The following CADM2 variants were observed in gnomAD, a reference collection of about 807,000 sequenced individuals.
CADM2 encodes cell adhesion molecule 2.
CADM2 carries 12 observed loss-of-function variants against 49.8 expected under a neutral mutation model. That is an observed-to-expected ratio of 0.24 (90% CI 0.15 to 0.39). CADM2 has a LOEUF of 0.39. Among genes scored for constraint, CADM2 ranks in the 10% least tolerant of loss-of-function variants. CADM2 has a pLI of 1.00. For missense variants in CADM2, 378 were observed against 492.3 expected, an observed-to-expected ratio of 0.77 and a Z score of 2.20; for synonymous variants, 214 against 175.4, an observed-to-expected ratio of 1.22 and a Z score of -1.74.
intron 1 of CADM2, among the ~76,000 whole-genome samples, chr3:85,159,168 A>G (rs893866128): frequency 1.1e-4 from 16 of 152,170 alleles, no homozygotes; most frequent in Admixed American, 6.5e-4. Context: ...ATTTTACATG[A>G]TTGCATCATA....
At chr3:85,368,738 T>C (rs2032983245) in intron 1 of CADM2, among the ~76,000 whole-genome samples, 1 of 152,102 alleles carries the variant, frequency 6.6e-6, no homozygotes, top group Non-Finnish European at 1.5e-5. Context: ...AAATAATACG[T>C]TTCTAACTAT....
intron 1 of CADM2, among the ~76,000 whole-genome samples, chr3:85,290,947 T>C (rs1055279587): frequency 6.6e-6 from 1 of 152,166 alleles, no homozygotes; most frequent in Non-Finnish European, 1.5e-5. Context: ...AGAATGACTT[T>C]GATGAGCTGA....
At chr3:85,625,748 G>C (rs772365234) in intron 1 of CADM2, among the ~76,000 whole-genome samples, 1 of 151,952 alleles carries the variant, frequency 6.6e-6, no homozygotes. Context: ...CTAGGGTATA[G>C]AGGCTGTATA....
chr3:85,973,597 G>GT (rs1726421791), intron 8 of CADM2, among the ~76,000 whole-genome samples: 7 of 151,828 alleles, frequency 4.6e-5, no homozygotes, highest in Admixed American at 4.6e-4. Flanking sequence ...GTTATAATCA[G>GT]TGTACTGCAT....
intron 8 of CADM2, among the ~76,000 whole-genome samples, chr3:85,999,056 G>T (rs1577905542): frequency 6.6e-6 from 1 of 152,274 alleles, no homozygotes; most frequent in South Asian, 2.1e-4. Flanking sequence ...ATTTAAACAT[G>T]CAGAGTTTTA....
intron 1 of CADM2, among the ~76,000 whole-genome samples, chr3:85,377,726 T>G (rs1250087362): frequency 6.6e-6 from 1 of 152,066 alleles, no homozygotes; most frequent in Non-Finnish European, 1.5e-5. Flanking sequence ...AAACACATTT[T>G]TAAAAGTTAA....
chr3:85,509,150 A>T (rs1366614351), intron 1 of CADM2, among the ~76,000 whole-genome samples: 1 of 152,182 alleles, frequency 6.6e-6, no homozygotes, highest in East Asian at 1.9e-4. Flanking sequence ...ACTATTTGAC[A>T]TTTAAAACAT....
chr3:84,998,751 T>A (rs1325187854), intron 1 of CADM2, among the ~76,000 whole-genome samples: 2 of 152,132 alleles, frequency 1.3e-5, no homozygotes, highest in African/African-American at 4.8e-5. Flanking sequence ...TGTTTTCTTC[T>A]GTGATCAGGG....
chr3:85,111,382 A>G (rs868332280), intron 1 of CADM2, among the ~76,000 whole-genome samples: 6 of 151,814 alleles, frequency 4.0e-5, no homozygotes, highest in African/African-American at 1.4e-4. Flanking sequence ...TGTATACCCC[A>G]GGTTTTGTAA....
At chr3:85,460,297 C>T (rs1215044175) in intron 1 of CADM2, among the ~76,000 whole-genome samples, 1 of 151,778 alleles carries the variant, frequency 6.6e-6, no homozygotes, top group Non-Finnish European at 1.5e-5. Flanking sequence ...AATGTGTTAT[C>T]TATTTAATTC....
At chr3:85,478,866 G>A (rs185051889) in intron 1 of CADM2, among the ~76,000 whole-genome samples, 1 of 152,018 alleles carries the variant, frequency 6.6e-6, no homozygotes, top group Admixed American at 6.6e-5. Flanking sequence ...GTGGCATGCT[G>A]TATGCTATGT....
chr3:85,520,217 T>C (rs557095825), intron 1 of CADM2, among the ~76,000 whole-genome samples: 2 of 152,046 alleles, frequency 1.3e-5, no homozygotes, highest in Admixed American at 1.3e-4. Context: ...CATATGTAAT[T>C]CACAAGGATT....
chr3:85,348,803 C>G (rs2031040423), intron 1 of CADM2, among the ~76,000 whole-genome samples: 1 of 151,898 alleles, frequency 6.6e-6, no homozygotes, highest in African/African-American at 2.4e-5. Context: ...AAGCTCTTAA[C>G]CCTACTTAAG....
intron 1 of CADM2, among the ~76,000 whole-genome samples, chr3:85,274,664 TA>T (rs2043316491): frequency 6.6e-6 from 1 of 151,516 alleles, no homozygotes; most frequent in East Asian, 1.9e-4. Flanking sequence ...CCCTCTTGCA[TA>T]TAATTATCAC....
At chr3:85,718,667 A>G (rs9846229) in intron 1 of CADM2, among the ~76,000 whole-genome samples, 63,537 of 151,704 alleles carry the variant, frequency 0.42, 13,374 homozygotes, top group South Asian at 0.49. Flanking sequence ...TAGAACCATG[A>G]AAACGGTAGA....
At chr3:85,781,235 T>C (rs1164828926) in intron 2 of CADM2, among the ~76,000 whole-genome samples, 3 of 152,212 alleles carry the variant, frequency 2.0e-5, no homozygotes, top group African/African-American at 7.2e-5. Context: ...TGGTTTCCTT[T>C]CCATTCTGTC....
intron 1 of CADM2, among the ~76,000 whole-genome samples, chr3:85,682,442 A>T (rs1357270672): frequency 6.6e-6 from 1 of 152,130 alleles, no homozygotes; most frequent in Non-Finnish European, 1.5e-5. Context: ...TATTCAGATT[A>T]TCTGTTGAGC....
At chr3:86,040,321 C>T (rs900079965) in intron 8 of CADM2, among the ~76,000 whole-genome samples, 7 of 151,932 alleles carry the variant, frequency 4.6e-5, no homozygotes, top group Non-Finnish European at 8.8e-5. Context: ...TGGCAAAGAA[C>T]TTAAAAACCT....
chr3:84,970,476 A>ATAC (rs5850656), intron 1 of CADM2, among the ~76,000 whole-genome samples: 1 of 151,730 alleles, frequency 6.6e-6, no homozygotes, highest in Non-Finnish European at 1.5e-5. Context: ...CTTAAAAGTC[A>ATAC]AGTTTTTCTT....
Sources: gnomAD v4.1 joint callset for allele counts (sites outside exome capture counted in the v4.1 genomes callset) on GRCh38, gnomAD v4.1.1 for gene constraint, MANE v1.5 for transcripts, NCBI Gene and HGNC (gene_info 2026-07-23, HGNC 2026-07-21) for gene names.